The following COPG1 variants were observed in gnomAD, a reference collection of about 807,000 sequenced individuals.
COPG1 encodes coat protein complex I subunit gamma 1, also known as coatomer subunit gamma-1.
A neutral mutation model predicts 102.8 loss-of-function variants in COPG1; 29 were observed. The ratio of observed to expected loss-of-function variants is 0.28; its 90% CI spans 0.21 to 0.38. The LOEUF (loss-of-function observed/expected upper bound fraction) is 0.38. Among genes scored for constraint, COPG1 ranks in the 10% least tolerant of loss-of-function variants. The pLI, the probability that COPG1 is intolerant of heterozygous loss-of-function variation, is 1.00. For missense variants in COPG1, 875 were observed against 1,132.7 expected, an observed-to-expected ratio of 0.77 and a Z score of 3.27; for synonymous variants, 406 against 421.6, an observed-to-expected ratio of 0.96 and a Z score of 0.45.
chr3:129,254,705 C>G lies in COPG1; in HGVS notation c.361C>G (p.Arg121Gly), dbSNP rs376130585. 1 of 1,614,124 alleles carries G rather than the reference C, an allele frequency of 6.2e-7. No individual in the cohort carries two copies. The highest frequency in any genetic ancestry group is 1.7e-5 in the Admixed American group (1 of 60,020). ...CATGACTGGGAAAGAAGACAACTAC[C>G]GGGGCCCGGCCGTGCGAGCCCTCTG... ...KDMTGKEDNY[R>G]GPAVRALCQI... The change falls in exon 6 of 24, where the codon CGG (arginine) becomes GGG (glycine). Residue 121 changes from arginine (R) to glycine (G), a missense_variant. Coordinates refer to ENST00000314797, the MANE Select transcript of COPG1 (RefSeq NM_016128.4).
chr3:129,274,245 T>A, intron 21 of COPG1: 1 of 372,664 alleles, frequency 2.7e-6, no homozygotes, highest in South Asian at 2.0e-5. Flanking sequence ...ACTGTAAACA[T>A]CCACAGGAGT....
chr3:129,265,518 G>T (rs756128324), intron 13 of COPG1, 31 bp from the exon 14 acceptor site: 2 of 1,611,564 alleles, frequency 1.2e-6, no homozygotes, highest in Non-Finnish European at 1.7e-6. Flanking sequence ...GAGAGAGCAG[G>T]CTCCTTGCTT....
Position 129,275,196 on chromosome 3 carries a change from G to T in COPG1, c.2398G>T (p.Ala800Ser). The change falls in exon 23 of 24, where the codon GCT (alanine) becomes TCT (serine). Residue 800 changes from alanine (A) to serine (S), a missense_variant and splice_region_variant. Physicochemically the swap from Ala to Ser is moderately conservative, Grantham distance 99. Transcript: ENST00000314797. The surrounding 1 kb of genome is among the most constrained non-coding windows in gnomAD (Gnocchi z 5.0). ...AATATTGGGATTTCTCATTACAGAGGCTGTGGGTAATATTGTGAAGTTCTT... is the reference window on the plus strand; with the variant it reads ...AATATTGGGATTTCTCATTACAGAGTCTGTGGGTAATATTGTGAAGTTCTT... ...TLSTIKTLEE[A>S]VGNIVKFLGM... The T allele has an allele frequency of 6.2e-7, 1 of 1,613,634 alleles. No individual in the cohort carries two copies. Among genetic ancestry groups the T allele is most frequent in the African/African-American group, 1.3e-5 (1 of 75,024 alleles).
chr3:129,265,689 T>G lies in COPG1; in HGVS notation c.1365T>G (p.Ile455Met). The G allele has an allele frequency of 6.2e-7, 1 of 1,614,182 alleles. No individual in the cohort carries two copies. The highest frequency in any genetic ancestry group is 1.1e-5 in the South Asian group (1 of 91,086). ...AGTTCACAGTGCTGGCCACCCGTAT[T>G]CTACATCTCCTGGGCCAGGAGGGGC... ...DCEFTVLATR[I>M]LHLLGQEGPK... The change falls in exon 14 of 24, where the codon ATT becomes ATG. Residue 455 changes from isoleucine (I) to methionine (M), a missense_variant. Coordinates refer to ENST00000314797, the MANE Select transcript of COPG1 (RefSeq NM_016128.4).
At position 129,265,729 on chromosome 3, in the gene COPG1, C is replaced by T; in HGVS notation, c.1405C>T (p.Pro469Ser). 6.2e-7 allele frequency: 1 copy of T among 1,614,148 alleles called. No homozygotes were observed. Residue 469 changes from proline to serine, a missense_variant, in exon 14 of 24, where the codon CCC becomes TCC. Physicochemically the swap from Pro to Ser is moderately conservative, Grantham distance 74. Coordinates refer to ENST00000314797, the MANE Select transcript of COPG1 (RefSeq NM_016128.4). Reference sequence around the variant, plus strand: ...CCAGGAGGGGCCCAAGACCACCAATCCCTCAAAGTACATCCGCTTCATCTA... The same window carrying T: ...CCAGGAGGGGCCCAAGACCACCAATTCCTCAAAGTACATCCGCTTCATCTA... ...LGQEGPKTTN[P>S]SKYIRFIYNR...
At position 129,262,489 on chromosome 3, in the gene COPG1, A is replaced by G. The variant is rs866617377; in HGVS notation, c.1129-1415A>G. Among the ~76,000 whole-genome samples the G allele has an allele frequency of 3.9e-5, 6 of 151,976 alleles. No homozygotes were observed. In the South Asian group the frequency reaches 1.0e-3, roughly 26 times the overall value. On this transcript the variant is annotated intron_variant, in intron 12 of 23. Transcript: ENST00000314797. The stretch of plus-strand genomic sequence containing the variant: ...AGGATGGTCTCGATCTCCTGACCTC[A>G]TGATCAACCCGCCTTGGCCTCCCAA...
In COPG1 at chr3:129,269,012, T is replaced by C; in HGVS notation, c.1843+12T>C. 1 of 1,612,866 alleles carries C rather than the reference T, an allele frequency of 6.2e-7. No homozygotes were observed. On this transcript the variant is annotated intron_variant, in intron 18 of 23. Transcript: ENST00000314797. ...GGAGATCTTCCAGGGTGAGTCACAG[T>C]GGTTGGGGGATGCTTGGGACCTGGG...
At chr3:129,270,695 C>T (rs1940166241) in intron 18 of COPG1, among the ~76,000 whole-genome samples, 1 of 151,998 alleles carries the variant, frequency 6.6e-6, no homozygotes, top group Non-Finnish European at 1.5e-5. Flanking sequence ...AGGAAAAAAG[C>T]AAAATAATAA....
At chr3:129,263,037 A>AT (rs1939958094) in intron 12 of COPG1, among the ~76,000 whole-genome samples, 1 of 130,868 alleles carries the variant, frequency 7.6e-6, no homozygotes, top group African/African-American at 3.1e-5. Context: ...AAAAAAAAAG[A>AT]GTCCTTCTGG....
chr3:129,252,346 T>A lies in COPG1; in HGVS notation c.156T>A (p.Leu52=). The change falls in exon 3 of 24, where the codon CTT becomes CTA. Residue 52 remains leucine, a synonymous_variant. Coordinates refer to ENST00000314797, the MANE Select transcript of COPG1 (RefSeq NM_016128.4). ...GTGCCCACATCCTCACCAAGATTCT[T>A]TATCTCATAAACCAGGTAACAGGGT... is the stretch of plus-strand genomic sequence containing the variant. ...RKCAHILTKI[L]YLINQGEHLG... The A allele has an allele frequency of 6.2e-7, 1 of 1,611,468 alleles. No homozygotes were observed. The highest frequency in any genetic ancestry group is 8.5e-7 in the Non-Finnish European group (1 of 1,177,634).
intron 1 of COPG1, 52 bp from the exon 2 acceptor site, chr3:129,250,630 A>G: frequency 4.2e-6 from 6 of 1,419,346 alleles, no homozygotes; most frequent in Non-Finnish European, 6.0e-6. Context: ...TGTCTGGGAG[A>G]GTTTTGAAGT....
intron 15 of COPG1, 75 bp downstream of exon 15, chr3:129,267,174 T>C: frequency 8.9e-7 from 1 of 1,129,578 alleles, no homozygotes; most frequent in Non-Finnish European, 1.3e-6. Context: ...GTCTTTATTT[T>C]TTTTTAACTG....
chr3:129,263,893 A>G lies in COPG1; in HGVS notation c.1129-11A>G, dbSNP rs1361193653. 5 of 1,612,954 alleles carry G rather than the reference A, an allele frequency of 3.1e-6. No homozygotes were observed. Among genetic ancestry groups the G allele is most frequent in the African/African-American group, 1.3e-5 (1 of 74,886 alleles). The stretch of plus-strand genomic sequence containing the variant: ...CAGGGCCTGCTGCTCATGCACGTCT[A>G]TTTCATTTAGGTGGTGGTTGTCCAG... On this transcript the variant is annotated splice_polypyrimidine_tract_variant and intron_variant, in intron 12 of 23. Transcript: ENST00000314797.
rs1487668234 is a variant in COPG1 at position 129,277,344 on chromosome 3, T to G, written c.2545T>G (p.Leu849Val). The G allele has an allele frequency of 1.1e-5, 17 of 1,614,038 alleles. No individual in the cohort carries two copies. The highest frequency in any genetic ancestry group is 1.4e-5 in the Non-Finnish European group (17 of 1,179,986). Residue 849 changes from leucine to valine, a missense_variant, in exon 24 of 24, where the codon TTG becomes GTG. Physicochemically the swap from Leu to Val is conservative, Grantham distance 32. Coordinates refer to ENST00000314797, the MANE Select transcript of COPG1 (RefSeq NM_016128.4). Reference sequence around the variant, plus strand: ...CCTGGTGCGCTCCCGGCTGCTGCTTTTGGACACAGTGACAATGCAGGTGAC... The same window carrying G: ...CCTGGTGCGCTCCCGGCTGCTGCTTGTGGACACAGTGACAATGCAGGTGAC... ...DILVRSRLLL[L>V]DTVTMQVTAR... is the part of the protein sequence containing the mutation.
At chr3:129,258,589 C>G (rs1939862692) in intron 10 of COPG1, among the ~76,000 whole-genome samples, 1 of 152,170 alleles carries the variant, frequency 6.6e-6, no homozygotes, top group Admixed American at 6.5e-5. Context: ...TCCCGAGTAG[C>G]TGGGACTACA....
rs1386769941 is a variant in COPG1, at chr3:129,265,761, A to T, written c.1437A>T (p.Arg479=). ...AGTACATCCGCTTCATCTATAACCG[A>T]GTGGTCTTGGAGCATGAGGAGGTCC... ...PSKYIRFIYN[R]VVLEHEEVRA... The change falls in exon 14 of 24, where the codon CGA becomes CGT. Residue 479 remains arginine, a synonymous_variant. Transcript: ENST00000314797. 2 of 1,613,828 alleles carry T rather than the reference A, an allele frequency of 1.2e-6. No individual in the cohort carries two copies. Among genetic ancestry groups the T allele is most frequent in the Non-Finnish European group, 1.7e-6 (2 of 1,179,970 alleles).
chr3:129,256,702 C>T (rs57254931), intron 8 of COPG1, among the ~76,000 whole-genome samples: 10,975 of 152,286 alleles, frequency 0.072, 1,231 homozygotes, highest in African/African-American at 0.24. Context: ...TGCCTATCGG[C>T]GCTCCCTGTG....
At chr3:129,270,491 G>T (rs1940162838) in intron 18 of COPG1, among the ~76,000 whole-genome samples, 1 of 152,098 alleles carries the variant, frequency 6.6e-6, no homozygotes, top group Non-Finnish European at 1.5e-5. Context: ...TAAGTATCAG[G>T]CCCAAAACTC....
intron 6 of COPG1, 102 bp from the exon 7 acceptor site, chr3:129,254,883 G>T: frequency 8.4e-7 from 1 of 1,196,614 alleles, no homozygotes; most frequent in Non-Finnish European, 1.2e-6. Flanking sequence ...CATGAGAAAC[G>T]CTTACTTCCT....
Sources: allele counts gnomAD v4.1 joint callset (sites outside exome capture counted in the v4.1 genomes callset), GRCh38; gene constraint gnomAD v4.1.1; non-coding constraint Gnocchi (gnomAD v3.1); transcripts MANE v1.5; gene names NCBI Gene and HGNC (gene_info 2026-07-23, HGNC 2026-07-21).